GUCY1A2: variants seen among roughly 807,000 people sequenced by gnomAD.
GUCY1A2 encodes guanylate cyclase soluble subunit alpha-2.
Under a neutral mutation model 63.5 loss-of-function variants are expected in GUCY1A2, and 27 were observed. The observed-to-expected ratio is 0.43, with a 90% CI of 0.31 to 0.59. The LOEUF (loss-of-function observed/expected upper bound fraction) is 0.59. Among genes scored for constraint, GUCY1A2 ranks in the 20% least tolerant of loss-of-function variants. The probability of loss-of-function intolerance (pLI) is 0.11; values close to 1 mark genes in which losing one functional copy is unlikely to be tolerated. For missense variants in GUCY1A2, 768 were observed against 913.3 expected (o/e 0.84, Z 2.05); for synonymous variants, 364 against 343.5 (o/e 1.06, Z -0.66).
intron 4 of GUCY1A2, among the ~76,000 whole-genome samples, chr11:106,821,658 A>C (rs1422685602): frequency 1.3e-5 from 2 of 152,168 alleles, no homozygotes; most frequent in South Asian, 2.1e-4. Flanking sequence ...ATTCTGCACA[A>C]AGCACTAACA....
At chr11:106,791,843 A>G (rs1195014724) in intron 5 of GUCY1A2, among the ~76,000 whole-genome samples, 1 of 152,054 alleles carries the variant, frequency 6.6e-6, no homozygotes, top group Non-Finnish European at 1.5e-5. Context: ...GTTTTTATAT[A>G]TCTTATACTA....
chr11:106,866,300 G>A (rs1236356323), intron 4 of GUCY1A2, among the ~76,000 whole-genome samples: 2 of 151,998 alleles, frequency 1.3e-5, no homozygotes, highest in Non-Finnish European at 2.9e-5. Flanking sequence ...GGGGAGGTTA[G>A]GAGACAGAGA....
At chr11:106,730,158 G>A (rs1378340140) in intron 6 of GUCY1A2, among the ~76,000 whole-genome samples, 2 of 146,914 alleles carry the variant, frequency 1.4e-5, no homozygotes, top group African/African-American at 5.0e-5. Flanking sequence ...AAAGTGTGCA[G>A]GTTTGTTATA....
chr11:106,873,169 T>C (rs1859703902), intron 4 of GUCY1A2, among the ~76,000 whole-genome samples: 1 of 152,210 alleles, frequency 6.6e-6, no homozygotes, highest in Non-Finnish European at 1.5e-5. Context: ...CGGTCTATCA[T>C]TGATGGGCAT....
At chr11:106,858,407 A>G (rs1210216394) in intron 4 of GUCY1A2, among the ~76,000 whole-genome samples, 1 of 152,146 alleles carries the variant, frequency 6.6e-6, no homozygotes, top group Non-Finnish European at 1.5e-5. Flanking sequence ...GTCAATACTC[A>G]TCATATATTT....
intron 2 of GUCY1A2, among the ~76,000 whole-genome samples, chr11:106,979,454 CAAAAAAA>C: frequency 1.7e-5 from 1 of 59,496 alleles, no homozygotes; most frequent in East Asian, 5.6e-4. Context: ...GACTCCGTCT[CAAAAAAA>C]AAAAAAAAAA....
intron 7 of GUCY1A2, among the ~76,000 whole-genome samples, chr11:106,701,817 T>C (rs538511933): frequency 6.6e-6 from 1 of 152,354 alleles, no homozygotes; most frequent in African/African-American, 2.4e-5. Flanking sequence ...ATGTTTGAGG[T>C]GATAGTTATG....
At chr11:106,949,797 A>G (rs1860880655) in intron 3 of GUCY1A2, among the ~76,000 whole-genome samples, 1 of 152,186 alleles carries the variant, frequency 6.6e-6, no homozygotes, top group African/African-American at 2.4e-5. Flanking sequence ...CCAGAAAGAC[A>G]AACTATGGAG....
At chr11:106,870,535 TTTG>T (rs1035875762) in intron 4 of GUCY1A2, among the ~76,000 whole-genome samples, 6 of 152,088 alleles carry the variant, frequency 3.9e-5, no homozygotes, top group South Asian at 2.1e-4. Flanking sequence ...TTTGTATGTT[TTTG>T]TTGTTGTTGT....
chr11:106,892,064 G>C (rs1425719764), intron 4 of GUCY1A2, among the ~76,000 whole-genome samples: 1 of 151,968 alleles, frequency 6.6e-6, no homozygotes, highest in Admixed American at 6.6e-5. Flanking sequence ...TAATTTCTCT[G>C]CAAAATTTTG....
intron 6 of GUCY1A2, among the ~76,000 whole-genome samples, chr11:106,710,375 TTATA>T (rs1325200459): frequency 3.3e-5 from 4 of 122,254 alleles, no homozygotes; most frequent in South Asian, 2.5e-4. Flanking sequence ...TATAATATAG[TTATA>T]TATATAATAT....
At chr11:106,962,076 T>C (rs1387167727) in intron 3 of GUCY1A2, among the ~76,000 whole-genome samples, 1 of 152,190 alleles carries the variant, frequency 6.6e-6, no homozygotes, top group Non-Finnish European at 1.5e-5. Context: ...ATTTACTCCA[T>C]CCCACAAATC....
rs185336376 is a variant in GUCY1A2 at position 106,929,535 on chromosome 11, C to A, written c.1206+9925G>T. Among the ~76,000 whole-genome samples, 26 of 152,122 alleles carry A rather than the reference C, an allele frequency of 1.7e-4. No individual in the cohort carries two copies. The East Asian group carries it at 4.2e-3, about 25-fold the overall frequency. On this transcript the variant is annotated intron_variant, in intron 4 of 7. Coordinates refer to ENST00000526355, the MANE Select transcript of GUCY1A2 (RefSeq NM_000855.3). ...GAATCAAAGTTTTTTTTCACAATAG[C>A]ACAAAATGTTTATAATATGGATACT...
chr11:107,014,757 G>C (rs1268556609), intron 1 of GUCY1A2, among the ~76,000 whole-genome samples: 1 of 152,144 alleles, frequency 6.6e-6, no homozygotes, highest in African/African-American at 2.4e-5. Flanking sequence ...ATGCCACGAT[G>C]AGACAACTGA....
chr11:106,795,320 A>C (rs79677295), intron 5 of GUCY1A2, among the ~76,000 whole-genome samples: 5,159 of 152,264 alleles, frequency 0.034, 168 homozygotes, highest in East Asian at 0.15. Flanking sequence ...AGAGGGCTGA[A>C]ATATGCCCGA....
intron 6 of GUCY1A2, among the ~76,000 whole-genome samples, chr11:106,764,853 A>C (rs944828209): frequency 1.3e-5 from 2 of 151,902 alleles, no homozygotes; most frequent in Admixed American, 1.3e-4. Context: ...ATCTGGATTC[A>C]AATTTAGTTC....
chr11:106,817,161 T>A (rs1417911646), intron 4 of GUCY1A2, among the ~76,000 whole-genome samples: 1 of 152,116 alleles, frequency 6.6e-6, no homozygotes, highest in Admixed American at 6.6e-5. Context: ...CCTCTAACAT[T>A]CATCTTCTAG....
chr11:106,707,032 C>T (rs1319628194), intron 7 of GUCY1A2, among the ~76,000 whole-genome samples: 2 of 152,022 alleles, frequency 1.3e-5, no homozygotes, highest in East Asian at 3.9e-4. Flanking sequence ...GAAACTTTGT[C>T]CAGAAGTTGT....
intron 3 of GUCY1A2, among the ~76,000 whole-genome samples, chr11:106,945,460 C>G (rs951425365): frequency 1.3e-5 from 2 of 151,988 alleles, no homozygotes; most frequent in Non-Finnish European, 2.9e-5. Context: ...GTAGAGGAGT[C>G]TGGTTAAGAG....
Sources: gnomAD v4.1 joint callset for allele counts (sites outside exome capture counted in the v4.1 genomes callset) on GRCh38, gnomAD v4.1.1 for gene constraint, MANE v1.5 for transcripts, NCBI Gene and HGNC (gene_info 2026-07-23, HGNC 2026-07-21) for gene names.